The following NECTIN3 variants were observed in gnomAD, a reference collection of about 807,000 sequenced individuals.
NECTIN3 encodes nectin cell adhesion molecule 3.
NECTIN3 carries 8 observed loss-of-function variants against 49.4 expected under a neutral mutation model. The ratio of observed to expected loss-of-function variants is 0.16; its 90% CI spans 0.10 to 0.29. The LOEUF (loss-of-function observed/expected upper bound fraction) is 0.29. Among genes scored for constraint, NECTIN3 ranks in the 10% least tolerant of loss-of-function variants. The pLI, the probability that NECTIN3 is intolerant of heterozygous loss-of-function variation, is 1.00. For synonymous variants in NECTIN3, 277 were observed against 241.1 expected, an observed-to-expected ratio of 1.15 and a Z score of -1.38; for missense variants, 581 against 654.6, an observed-to-expected ratio of 0.89 and a Z score of 1.23.
In NECTIN3 at chr3:111,136,881, G is replaced by T. The variant is rs1027671704; in HGVS notation, c.*2666G>T. On this transcript the variant is annotated 3_prime_UTR_variant, in exon 6 of 6. Transcript: ENST00000485303. ...TACATTGAAACTAAAGTAGGCTCGG[G>T]GTTAACTTTAAAAGTGATATTTGAG... 1.2e-5 allele frequency: 12 copies of T among 966,502 alleles called. No individual in the cohort carries two copies. The highest frequency in any genetic ancestry group is 1.5e-5 in the Non-Finnish European group (12 of 813,162). The allele number at this position is 966,502 out of a possible 1,614,324, so 59.9% of individuals were successfully genotyped here. A position where few individuals can be genotyped will look rare whatever the true frequency, so the allele number is the denominator to read the frequency against.
chr3:111,140,251 C>T (rs1407307930), downstream of NECTIN3, among the ~76,000 whole-genome samples: 1 of 151,820 alleles, frequency 6.6e-6, no homozygotes, highest in Non-Finnish European at 1.5e-5. Context: ...TCAATAACTT[C>T]TCCTTCACAT....
chr3:111,103,579 T>C (rs2033026941), intron 1 of NECTIN3, among the ~76,000 whole-genome samples: 1 of 151,898 alleles, frequency 6.6e-6, no homozygotes, highest in Non-Finnish European at 1.5e-5. Context: ...TATTTCTTAA[T>C]AAATAAAGAA....
At chr3:111,072,499 C>G (rs1286543929) in intron 1 of NECTIN3, 1 of 1,535,946 alleles carries the variant, frequency 6.5e-7, no homozygotes, top group African/African-American at 1.4e-5. Flanking sequence ...CGCTCATTCT[C>G]TGGGAACCCT....
chr3:111,102,525 G>T (rs193052374), intron 1 of NECTIN3, among the ~76,000 whole-genome samples: 1 of 152,176 alleles, frequency 6.6e-6, no homozygotes, highest in Admixed American at 6.5e-5. Flanking sequence ...CCTTCTTCAC[G>T]CCTCCACTCA....
At chr3:111,093,685 C>T (rs1485518586) in intron 1 of NECTIN3, among the ~76,000 whole-genome samples, 1 of 152,198 alleles carries the variant, frequency 6.6e-6, no homozygotes, top group African/African-American at 2.4e-5. Flanking sequence ...ATCCGCCTGC[C>T]TGAGCCTCCC....
At chr3:111,091,149 T>TATACAACACTATACAACACTATAC (rs2032244602) in intron 1 of NECTIN3, among the ~76,000 whole-genome samples, 2 of 152,180 alleles carry the variant, frequency 1.3e-5, no homozygotes, top group Admixed American at 6.5e-5. Flanking sequence ...TCACTGCTCC[T>TATACAACACTATACAACACTATAC]AACACTATAC....
At chr3:111,148,261 C>A (rs1047896686) in intron 7 of NECTIN3, among the ~76,000 whole-genome samples, 1 of 152,158 alleles carries the variant, frequency 6.6e-6, no homozygotes, top group Non-Finnish European at 1.5e-5. Context: ...TGGAAAAATT[C>A]TAAAGGAATG....
intron 7 of NECTIN3, among the ~76,000 whole-genome samples, chr3:111,163,700 A>T (rs1347797634): frequency 6.6e-6 from 1 of 152,210 alleles, no homozygotes; most frequent in Non-Finnish European, 1.5e-5. Context: ...TTTAATGCTA[A>T]TAGGAAAGAA....
chr3:111,120,850 C>T (rs2033919679), intron 3 of NECTIN3, among the ~76,000 whole-genome samples: 1 of 152,102 alleles, frequency 6.6e-6, no homozygotes, highest in South Asian at 2.1e-4. Context: ...TATATTCTCT[C>T]AGCATCCTAC....
intron 5 of NECTIN3, among the ~76,000 whole-genome samples, chr3:111,128,090 C>A (rs2034239533): frequency 6.6e-6 from 1 of 152,080 alleles, no homozygotes. Context: ...GTAATCCCAG[C>A]ACTTTGGGAG....
intron 1 of NECTIN3, among the ~76,000 whole-genome samples, chr3:111,090,391 T>A (rs913052516): frequency 7.2e-5 from 11 of 152,152 alleles, no homozygotes; most frequent in Non-Finnish European, 1.6e-4. Flanking sequence ...TCTTTAATAT[T>A]AACTTCATGA....
intron 1 of NECTIN3, among the ~76,000 whole-genome samples, chr3:111,192,662 G>T (rs1344144842): frequency 6.6e-6 from 1 of 152,112 alleles, no homozygotes; most frequent in African/African-American, 2.4e-5. Context: ...ATAGGTGCTA[G>T]CTGTGGCAAG....
At chr3:111,140,905 G>A (rs1201474783), downstream of NECTIN3, among the ~76,000 whole-genome samples, 3 of 151,888 alleles carry the variant, frequency 2.0e-5, no homozygotes, top group African/African-American at 4.8e-5. Flanking sequence ...TTATTTTCAT[G>A]AAATGTCTTT....
chr3:111,128,612 T>C (rs910650355), intron 5 of NECTIN3, among the ~76,000 whole-genome samples: 7 of 152,204 alleles, frequency 4.6e-5, no homozygotes, highest in Non-Finnish European at 8.8e-5. Context: ...CAGTTACTGG[T>C]ACTTCTTTCC....
At position 111,134,309 on chromosome 3, in the gene NECTIN3, C is replaced by G. The variant is rs1349592876; in HGVS notation, c.*94C>G. 6 of 1,467,632 alleles carry G rather than the reference C, an allele frequency of 4.1e-6. No individual in the cohort carries two copies. The highest frequency in any genetic ancestry group is 2.4e-5 in the East Asian group (1 of 42,072). 90.9% of individuals were successfully genotyped at this position (1,467,632 alleles called of 1,614,324 possible). On this transcript the variant is annotated 3_prime_UTR_variant, in exon 6 of 6. Coordinates refer to ENST00000485303, the MANE Select transcript of NECTIN3 (RefSeq NM_015480.3). ...ATACTTTTTCTTGAGGAAGAATAAG[C>G]TTTTTCAAGTTGATTTTCAAGCTTA... is the stretch of plus-strand genomic sequence containing the variant.
intron 7 of NECTIN3, among the ~76,000 whole-genome samples, chr3:111,159,556 A>G (rs1420753211): frequency 2.0e-5 from 3 of 151,950 alleles, no homozygotes; most frequent in Non-Finnish European, 1.5e-5. Flanking sequence ...GACAAGGGAG[A>G]GAGTTGTCAG....
At chr3:111,163,591 G>A (rs949950322) in intron 7 of NECTIN3, among the ~76,000 whole-genome samples, 2 of 152,174 alleles carry the variant, frequency 1.3e-5, no homozygotes, top group African/African-American at 4.8e-5. Flanking sequence ...GGTTTGTAAT[G>A]TCACTTTATA....
chr3:111,139,991 A>T (rs2034701752), downstream of NECTIN3, among the ~76,000 whole-genome samples: 1 of 151,918 alleles, frequency 6.6e-6, no homozygotes, highest in African/African-American at 2.4e-5. Context: ...CTACATGATT[A>T]AATGTTCTTC....
At chr3:111,130,734 C>T (rs2034356589) in intron 5 of NECTIN3, among the ~76,000 whole-genome samples, 1 of 151,972 alleles carries the variant, frequency 6.6e-6, no homozygotes, top group South Asian at 2.1e-4. Context: ...TTTAGGATTG[C>T]AATATTCAAC....
Sources: allele counts gnomAD v4.1 joint callset (sites outside exome capture counted in the v4.1 genomes callset), GRCh38; gene constraint gnomAD v4.1.1; transcripts MANE v1.5; gene names NCBI Gene and HGNC (gene_info 2026-07-23, HGNC 2026-07-21).